DOK6: variants seen among roughly 807,000 people sequenced by gnomAD.
The protein encoded by DOK6 is docking protein 6.
In DOK6, 22 loss-of-function variants were observed where a neutral mutation model predicts 44.0. That is an observed-to-expected ratio of 0.50 (90% CI 0.36 to 0.71). The LOEUF is 0.71. Ranked by LOEUF, DOK6 falls within the 30% of genes least tolerant of loss-of-function variation. The pLI is 0.00. For missense variants in DOK6, 340 were observed against 416.4 expected (o/e 0.82, Z 1.60); for synonymous variants, 166 against 145.5 (o/e 1.14, Z -1.01).
At chr18:69,768,226 T>C (rs1325227088) in intron 7 of DOK6, among the ~76,000 whole-genome samples, 3 of 152,144 alleles carry the variant, frequency 2.0e-5, no homozygotes, top group African/African-American at 7.2e-5. Context: ...GAAATGTCAA[T>C]ACAACCAGAT....
chr18:69,494,612 C>A (rs918866110), intron 1 of DOK6, among the ~76,000 whole-genome samples: 1 of 152,140 alleles, frequency 6.6e-6, no homozygotes, highest in African/African-American at 2.4e-5. Flanking sequence ...TCTTCAAATT[C>A]TTCCCTTCTA....
At position 69,449,814 on chromosome 18, in the gene DOK6, C is replaced by T. The variant is rs201122558; in HGVS notation, c.66+48504C>T. Among the ~76,000 whole-genome samples, 103 of 150,876 alleles carry T rather than the reference C, an allele frequency of 6.8e-4. 1 individual carries two copies. The highest frequency in any genetic ancestry group is 2.2e-3 in the African/African-American group (92 of 41,162). ...AGCAGGGGCACACTGACACCTCACACGGCAGGGTATTCCAACAGACCTGCA... is the reference window on the plus strand; with the variant it reads ...AGCAGGGGCACACTGACACCTCACATGGCAGGGTATTCCAACAGACCTGCA... On this transcript the variant is annotated intron_variant, in intron 1 of 7. Coordinates refer to ENST00000382713, the MANE Select transcript of DOK6 (RefSeq NM_152721.6).
At chr18:69,796,509 A>G (rs1257584695) in intron 7 of DOK6, among the ~76,000 whole-genome samples, 1 of 152,178 alleles carries the variant, frequency 6.6e-6, no homozygotes, top group East Asian at 1.9e-4. Flanking sequence ...CTTTGTCAGT[A>G]AGAGTTCTGA....
At chr18:69,669,848 C>G (rs1021472062) in intron 3 of DOK6, among the ~76,000 whole-genome samples, 1 of 152,122 alleles carries the variant, frequency 6.6e-6, no homozygotes, top group Admixed American at 6.5e-5. Context: ...TCATTGCTTT[C>G]ATACATCACA....
chr18:69,574,080 A>T (rs1220594989), intron 2 of DOK6, among the ~76,000 whole-genome samples: 1 of 152,036 alleles, frequency 6.6e-6, no homozygotes, highest in Non-Finnish European at 1.5e-5. Context: ...AATTGCTATT[A>T]AGCCCAATTC....
chr18:69,687,744 A>C (rs1027304286), intron 4 of DOK6, among the ~76,000 whole-genome samples: 1 of 152,144 alleles, frequency 6.6e-6, no homozygotes, highest in Admixed American at 6.5e-5. Context: ...CATCATTGGA[A>C]AGCCCTCAGT....
At chr18:69,601,559 A>G (rs1386806060) in intron 3 of DOK6, among the ~76,000 whole-genome samples, 1 of 152,216 alleles carries the variant, frequency 6.6e-6, no homozygotes. Flanking sequence ...GTGATAACAG[A>G]GCAGCGCCCA....
intron 1 of DOK6, among the ~76,000 whole-genome samples, chr18:69,443,888 G>A (rs1176635009): frequency 6.6e-6 from 1 of 152,034 alleles, no homozygotes. Flanking sequence ...TCAAGTCTGT[G>A]TGCTCCCTTA....
intron 3 of DOK6, among the ~76,000 whole-genome samples, chr18:69,673,428 A>G (rs1430712906): frequency 6.6e-6 from 1 of 152,200 alleles, no homozygotes; most frequent in Non-Finnish European, 1.5e-5. Flanking sequence ...TTCAAATCAG[A>G]ATTAAAAATA....
At chr18:69,827,148 C>T (rs1981764223) in intron 7 of DOK6, among the ~76,000 whole-genome samples, 1 of 152,076 alleles carries the variant, frequency 6.6e-6, no homozygotes, top group South Asian at 2.1e-4. Flanking sequence ...AAATCTGATC[C>T]AATCACTCAC....
intron 2 of DOK6, among the ~76,000 whole-genome samples, chr18:69,586,856 T>C (rs533934093): frequency 6.6e-6 from 1 of 152,290 alleles, no homozygotes; most frequent in East Asian, 1.9e-4. Context: ...ATCAATCACC[T>C]GCCCAGCCTC....
At chr18:69,558,443 G>C (rs1193358976) in intron 1 of DOK6, among the ~76,000 whole-genome samples, 1 of 151,932 alleles carries the variant, frequency 6.6e-6, no homozygotes, top group Admixed American at 6.6e-5. Context: ...GTCCAAAGAG[G>C]GGTAGAAGAT....
intron 7 of DOK6, chr18:69,832,788 A>G (rs534357863): frequency 1.8e-4 from 28 of 152,292 alleles, no homozygotes; most frequent in African/African-American, 6.5e-4. Context: ...GCTACAAAAT[A>G]TAAAGAAAAC....
chr18:69,546,935 G>A lies in DOK6; in HGVS notation c.67-17552G>A, dbSNP rs138896218. 4.0e-3 allele frequency among the ~76,000 whole-genome samples: 604 copies of A among 151,592 alleles called. 8 individuals are homozygous for A. Among genetic ancestry groups the A allele is most frequent in the African/African-American group, 0.013 (544 of 41,492 alleles). On this transcript the variant is annotated intron_variant, in intron 1 of 7. Coordinates refer to ENST00000382713, the MANE Select transcript of DOK6 (RefSeq NM_152721.6). ...TAAGAAGGAGGTTTAATTTGCTCAC[G>A]GTTCTTCAGGCTGTACAGAAAGCAT...
intron 5 of DOK6, among the ~76,000 whole-genome samples, chr18:69,729,502 A>ATT (rs146706436): frequency 1.9e-4 from 29 of 151,496 alleles, no homozygotes; most frequent in Non-Finnish European, 3.4e-4. Context: ...AGACTTTAGT[A>ATT]TTTTTTTTTC....
intron 3 of DOK6, among the ~76,000 whole-genome samples, chr18:69,621,509 A>C (rs1486768385): frequency 6.6e-6 from 1 of 152,218 alleles, no homozygotes. Context: ...ATATGAGGAA[A>C]CAAGAGGGAT....
chr18:69,776,271 T>C (rs1980058879), intron 7 of DOK6, among the ~76,000 whole-genome samples: 1 of 151,920 alleles, frequency 6.6e-6, no homozygotes, highest in African/African-American at 2.4e-5. Flanking sequence ...CAACATAAGA[T>C]GCCACAAACA....
At chr18:69,473,102 A>AT (rs769511640) in intron 1 of DOK6, among the ~76,000 whole-genome samples, 76 of 152,260 alleles carry the variant, frequency 5.0e-4, no homozygotes, top group Non-Finnish European at 9.7e-4. Context: ...AAAAATTAAT[A>AT]TTTTTTTATT....
At chr18:69,578,523 G>A (rs1325683700) in intron 2 of DOK6, among the ~76,000 whole-genome samples, 3 of 152,080 alleles carry the variant, frequency 2.0e-5, no homozygotes, top group Non-Finnish European at 2.9e-5. Flanking sequence ...AAGAATGTTC[G>A]GTACTGCAAC....
Sources: allele counts gnomAD v4.1 joint callset (sites outside exome capture counted in the v4.1 genomes callset), GRCh38; gene constraint gnomAD v4.1.1; transcripts MANE v1.5; gene names NCBI Gene and HGNC (gene_info 2026-07-23, HGNC 2026-07-21).